The following PDS5A variants were observed in gnomAD, a reference collection of about 807,000 sequenced individuals.
PDS5A encodes the protein sister chromatid cohesion protein PDS5 homolog A.
A neutral mutation model predicts 167.1 loss-of-function variants in PDS5A; 42 were observed. That is an observed-to-expected ratio of 0.25 (90% confidence interval 0.20 to 0.33). PDS5A has a LOEUF of 0.33. PDS5A is among the 10% of genes least tolerant of loss of function. The pLI, the probability that PDS5A is intolerant of heterozygous loss-of-function variation, is 1.00. For missense variants in PDS5A, 1,033 were observed against 1,605.9 expected (o/e 0.64, Z 6.10); for synonymous variants, 553 against 554.6 (o/e 1.00, Z 0.04).
At position 39,901,440 on chromosome 4, in the gene PDS5A, T is replaced by C. The variant is rs528528811; in HGVS notation, c.1499+907A>G. 2.0e-4 allele frequency among the ~76,000 whole-genome samples: 30 copies of C among 152,168 alleles called. 1 individual carries two copies. The South Asian group carries it at 5.6e-3, about 28-fold the overall frequency. On this transcript the variant is annotated intron_variant, in intron 13 of 32. Coordinates refer to ENST00000303538, the MANE Select transcript of PDS5A (RefSeq NM_001100399.2). ...GCACCACCATGCCCAACTAATATTT[T>C]TGTATTTTTAGTAGAGATGGGGTTT...
At chr4:39,881,319 A>G (rs1355086013) in intron 17 of PDS5A, among the ~76,000 whole-genome samples, 1 of 151,676 alleles carries the variant, frequency 6.6e-6, no homozygotes, top group East Asian at 1.9e-4. Flanking sequence ...TAGTAGTGGG[A>G]TTGCTGGATC....
chr4:39,915,425 C>A (rs1281764959), intron 8 of PDS5A, among the ~76,000 whole-genome samples: 4 of 145,476 alleles, frequency 2.7e-5, no homozygotes, highest in African/African-American at 1.0e-4. Flanking sequence ...AGTGGAGCAA[C>A]CTCGGTTCAC....
chr4:39,858,800 T>A (rs1031667345), intron 26 of PDS5A, among the ~76,000 whole-genome samples: 1 of 152,146 alleles, frequency 6.6e-6, no homozygotes, highest in Admixed American at 6.5e-5. Context: ...ATTTTTTATA[T>A]TGTTAGTAGG....
At chr4:39,896,937 A>C (rs1722468122) in intron 16 of PDS5A, among the ~76,000 whole-genome samples, 1 of 151,152 alleles carries the variant, frequency 6.6e-6, no homozygotes, top group Non-Finnish European at 1.5e-5. Context: ...GTTATGGGAT[A>C]CATGTGCACA....
intron 8 of PDS5A, among the ~76,000 whole-genome samples, chr4:39,914,506 A>G (rs533509867): frequency 6.6e-6 from 1 of 152,238 alleles, no homozygotes; most frequent in African/African-American, 2.4e-5. Flanking sequence ...GGAGAATACG[A>G]CACTACAGAA....
At chr4:39,971,923 T>C (rs1345294520) in intron 2 of PDS5A, among the ~76,000 whole-genome samples, 2 of 152,150 alleles carry the variant, frequency 1.3e-5, no homozygotes, top group African/African-American at 2.4e-5. Context: ...CAATGAGACA[T>C]AATACTTTAA....
chr4:39,923,920 C>T (rs1019026922), intron 5 of PDS5A, among the ~76,000 whole-genome samples: 10 of 152,072 alleles, frequency 6.6e-5, no homozygotes, highest in African/African-American at 1.7e-4. Context: ...CTCACCAATA[C>T]TGAAAATCAA....
At chr4:39,901,965 C>A (rs1233587549) in intron 13 of PDS5A, among the ~76,000 whole-genome samples, 6 of 152,052 alleles carry the variant, frequency 3.9e-5, no homozygotes, top group Admixed American at 2.6e-4. Context: ...CCAGTTGGAC[C>A]ATTAATCATA....
intron 2 of PDS5A, among the ~76,000 whole-genome samples, chr4:39,960,817 G>A (rs935739688): frequency 2.6e-5 from 4 of 152,118 alleles, no homozygotes; most frequent in Admixed American, 2.0e-4. Context: ...AGCCTTCTGA[G>A]TACCTGGGAC....
chr4:39,913,381 G>A (rs1043123143), intron 9 of PDS5A, among the ~76,000 whole-genome samples: 10 of 151,988 alleles, frequency 6.6e-5, no homozygotes, highest in African/African-American at 2.4e-4. Context: ...GGCTGGCCAT[G>A]ACATTATTTT....
intron 10 of PDS5A, among the ~76,000 whole-genome samples, chr4:39,909,058 A>C (rs1249925629): frequency 2.7e-5 from 4 of 147,162 alleles, no homozygotes; most frequent in African/African-American, 5.2e-5. Flanking sequence ...AATAAAATAA[A>C]ATAAAATAAA....
chr4:39,899,759 G>A (rs1722715997), intron 14 of PDS5A, among the ~76,000 whole-genome samples: 1 of 150,694 alleles, frequency 6.6e-6, no homozygotes, highest in Admixed American at 6.6e-5. Context: ...TGAGGTGGGA[G>A]GATCACCTCA....
chr4:39,972,430 G>A (rs1683113406), intron 2 of PDS5A, among the ~76,000 whole-genome samples: 1 of 152,178 alleles, frequency 6.6e-6, no homozygotes, highest in Non-Finnish European at 1.5e-5. Context: ...TGGGGCAGGA[G>A]AATCGCTTGA....
rs956489558 is a variant in PDS5A, at chr4:39,977,637, CG to C, written c.-222del. ...CGGTGCCGAGGAGGAGCAGCCGCCGCGGGGGGAGACGCGGGGCGAGTGAGCG... is the reference window on the plus strand; with the variant it reads ...CGGTGCCGAGGAGGAGCAGCCGCCGCGGGGGAGACGCGGGGCGAGTGAGCG... On this transcript the variant is annotated 5_prime_UTR_variant, in exon 1 of 33. Coordinates refer to ENST00000303538, the MANE Select transcript of PDS5A (RefSeq NM_001100399.2). The surrounding 1 kb of genome is among the most constrained non-coding windows in gnomAD (Gnocchi z 4.2). 1.3e-5 allele frequency: 2 copies of C among 152,534 alleles called. No individual in the cohort carries two copies. The highest frequency in any genetic ancestry group is 2.9e-5 in the Non-Finnish European group (2 of 68,680). 9.4% of individuals were successfully genotyped at this position (152,534 alleles called of 1,614,324 possible).
At chr4:39,879,489 C>A (rs879394494) in intron 18 of PDS5A, among the ~76,000 whole-genome samples, 3 of 152,002 alleles carry the variant, frequency 2.0e-5, no homozygotes, top group Non-Finnish European at 4.4e-5. Flanking sequence ...TAATCACTAC[C>A]AAGCATAGAA....
intron 2 of PDS5A, among the ~76,000 whole-genome samples, chr4:39,946,556 A>G (rs983331747): frequency 6.6e-6 from 1 of 152,172 alleles, no homozygotes; most frequent in African/African-American, 2.4e-5. Context: ...AGACTGACCA[A>G]GAAAAAAAGA....
intron 2 of PDS5A, among the ~76,000 whole-genome samples, chr4:39,954,603 T>C (rs1284232326): frequency 6.8e-6 from 1 of 148,032 alleles, no homozygotes; most frequent in Non-Finnish European, 1.5e-5. Context: ...TTACAGGTGT[T>C]AGCCACCGTG....
intron 16 of PDS5A, among the ~76,000 whole-genome samples, chr4:39,890,680 G>A (rs987818192): frequency 2.0e-5 from 3 of 152,006 alleles, no homozygotes; most frequent in Admixed American, 6.5e-5. Context: ...GCAGTGGCAC[G>A]ATCTCGGCTC....
chr4:39,930,285 G>A (rs1478423660), intron 2 of PDS5A, among the ~76,000 whole-genome samples: 1 of 133,618 alleles, frequency 7.5e-6, no homozygotes, highest in African/African-American at 2.6e-5. Context: ...AAGAGACAGG[G>A]TTTTGCCATG....
Sources: gnomAD v4.1 joint callset for allele counts (sites outside exome capture counted in the v4.1 genomes callset) on GRCh38, gnomAD v4.1.1 for gene constraint, Gnocchi (gnomAD v3.1) non-coding constraint, MANE v1.5 for transcripts, NCBI Gene and HGNC (gene_info 2026-07-23, HGNC 2026-07-21) for gene names.